The following UNC13C variants were observed in gnomAD, a reference collection of about 807,000 sequenced individuals.
UNC13C encodes unc-13 homolog C.
UNC13C carries 174 observed loss-of-function variants against 245.4 expected under a neutral mutation model. That is an observed-to-expected ratio of 0.71 (90% confidence interval 0.63 to 0.80). The LOEUF is 0.80. Among genes scored for constraint, UNC13C ranks in the 30% least tolerant of loss-of-function variants. The pLI is 0.00. For synonymous variants in UNC13C, 992 were observed against 895.1 expected, an observed-to-expected ratio of 1.11 and a Z score of -1.93; for missense variants, 2,829 against 2,602.9, an observed-to-expected ratio of 1.09 and a Z score of -1.89.
chr15:54,215,772 G>T (rs2035020947), intron 4 of UNC13C, among the ~76,000 whole-genome samples: 1 of 151,832 alleles, frequency 6.6e-6, no homozygotes, highest in South Asian at 2.1e-4. Flanking sequence ...AAGGAATCCA[G>T]GATTATTTCA....
At chr15:54,283,040 G>A (rs12441611) in intron 10 of UNC13C, among the ~76,000 whole-genome samples, 8,445 of 152,196 alleles carry the variant, frequency 0.055, 519 homozygotes, top group East Asian at 0.22. Context: ...TTAGGAAAGG[G>A]CAGGTATGTA....
intron 18 of UNC13C, among the ~76,000 whole-genome samples, chr15:54,407,230 TA>T (rs2040312631): frequency 6.6e-6 from 1 of 152,158 alleles, no homozygotes; most frequent in African/African-American, 2.4e-5. Flanking sequence ...AGGCATAAAC[TA>T]ATTGATTAGT....
intron 4 of UNC13C, among the ~76,000 whole-genome samples, chr15:54,214,997 A>G (rs1214669965): frequency 2.0e-5 from 3 of 151,960 alleles, no homozygotes; most frequent in Non-Finnish European, 4.4e-5. Flanking sequence ...TTGGGGCTGC[A>G]TTTTTTGTTT....
At chr15:53,866,725 T>C in the UNC13C span, among the ~76,000 whole-genome samples, 1 of 152,192 alleles carries the variant, frequency 6.6e-6, no homozygotes, top group Non-Finnish European at 1.5e-5. Flanking sequence ...AATTAGTTGC[T>C]AGAAATTTAC....
At chr15:53,876,956 G>A in the UNC13C span, among the ~76,000 whole-genome samples, 5 of 152,242 alleles carry the variant, frequency 3.3e-5, no homozygotes, top group South Asian at 4.2e-4. Context: ...GTAAATCACG[G>A]CATTTCTGTA....
At chr15:54,249,722 G>A (rs2036091540) in intron 7 of UNC13C, among the ~76,000 whole-genome samples, 1 of 152,086 alleles carries the variant, frequency 6.6e-6, no homozygotes, top group African/African-American at 2.4e-5. Flanking sequence ...ATCTACTACT[G>A]ATGCTTTCTT....
intron 4 of UNC13C, among the ~76,000 whole-genome samples, chr15:54,215,907 A>G (rs574243243): frequency 5.9e-5 from 9 of 152,002 alleles, no homozygotes; most frequent in Non-Finnish European, 1.3e-4. Flanking sequence ...AAATACCTAC[A>G]GAAGATAGAT....
the UNC13C span, among the ~76,000 whole-genome samples, chr15:53,864,168 G>A: frequency 6.6e-6 from 1 of 151,988 alleles, no homozygotes; most frequent in African/African-American, 2.4e-5. Flanking sequence ...TTTTTCCAAG[G>A]AAATCCAACC....
chr15:54,213,643 C>T (rs2034953422), intron 4 of UNC13C, among the ~76,000 whole-genome samples: 1 of 151,962 alleles, frequency 6.6e-6, no homozygotes, highest in Non-Finnish European at 1.5e-5. Flanking sequence ...TACATTTATT[C>T]TTGACCTTAA....
intron 2 of UNC13C, among the ~76,000 whole-genome samples, chr15:54,090,381 A>G (rs905865036): frequency 1.7e-4 from 26 of 152,214 alleles, no homozygotes; most frequent in African/African-American, 5.8e-4. Context: ...TCTAATTTAA[A>G]ATAAGAGCAA....
At chr15:54,143,449 C>G (rs2032116481) in intron 3 of UNC13C, among the ~76,000 whole-genome samples, 171 bp from the exon 4 acceptor site, 1 of 152,172 alleles carries the variant, frequency 6.6e-6, no homozygotes, top group Admixed American at 6.5e-5. Flanking sequence ...ATTTCAAAAC[C>G]TCTACTCATA....
At chr15:54,191,203 C>A (rs1178898062) in intron 4 of UNC13C, among the ~76,000 whole-genome samples, 1 of 152,034 alleles carries the variant, frequency 6.6e-6, no homozygotes, top group East Asian at 1.9e-4. Flanking sequence ...CTCCCCTAGC[C>A]CCCCACCCCA....
chr15:53,921,780 C>T, the UNC13C span, among the ~76,000 whole-genome samples: 2 of 152,266 alleles, frequency 1.3e-5, no homozygotes, highest in East Asian at 3.9e-4. Context: ...ATTTATATAG[C>T]ACTTTAAATT....
intron 2 of UNC13C, among the ~76,000 whole-genome samples, chr15:54,110,636 T>C (rs60442383): frequency 0.35 from 53,117 of 152,132 alleles, 10,175 homozygotes; most frequent in Non-Finnish European, 0.44. Context: ...GCTCTAGCTA[T>C]ATGATGTCTT....
intron 2 of UNC13C, among the ~76,000 whole-genome samples, chr15:54,112,521 C>T (rs1181281133): frequency 6.6e-6 from 1 of 152,178 alleles, no homozygotes; most frequent in Non-Finnish European, 1.5e-5. Context: ...CTGCTTCTTA[C>T]TGTACACATG....
At chr15:54,581,254 A>G (rs16974858) in intron 30 of UNC13C, among the ~76,000 whole-genome samples, 1,808 of 152,310 alleles carry the variant, frequency 0.012, 42 homozygotes, top group African/African-American at 0.041. Flanking sequence ...CATGTCAGAA[A>G]GACACAGAGA....
chr15:54,256,948 G>C (rs1316679354), intron 8 of UNC13C, among the ~76,000 whole-genome samples: 1 of 152,198 alleles, frequency 6.6e-6, no homozygotes, highest in Admixed American at 6.5e-5. Flanking sequence ...CCACGTCTAA[G>C]TTTGGCGCTC....
chr15:54,050,966 G>T, intron 2 of UNC13C: 1 of 512,408 alleles, frequency 2.0e-6, no homozygotes, highest in African/African-American at 1.9e-5. Context: ...TCATATAGCT[G>T]GTACCAGTTA....
chr15:54,490,010 T>G (rs772425345), intron 19 of UNC13C, among the ~76,000 whole-genome samples: 5 of 152,200 alleles, frequency 3.3e-5, no homozygotes, highest in African/African-American at 1.2e-4. Context: ...AAACAGATAC[T>G]GAGCTCCCCT....
Sources: allele counts gnomAD v4.1 joint callset (sites outside exome capture counted in the v4.1 genomes callset), GRCh38; gene constraint gnomAD v4.1.1; transcripts MANE v1.5; gene names NCBI Gene and HGNC (gene_info 2026-07-23, HGNC 2026-07-21).